Variants in ITGA9 observed in about 807,000 individuals in gnomAD.
ITGA9 encodes integrin alpha-9.
ITGA9 carries 56 observed loss-of-function variants against 127.8 expected under a neutral mutation model. That is an observed-to-expected ratio of 0.44 (90% confidence interval 0.35 to 0.55). The LOEUF is 0.55. ITGA9 is among the 20% of genes least tolerant of loss of function. The probability of loss-of-function intolerance (pLI) is 0.00; values close to 1 mark genes in which losing one functional copy is unlikely to be tolerated. For synonymous variants in ITGA9, 508 were observed against 514.5 expected (o/e 0.99, Z 0.17); for missense variants, 1,196 against 1,347.1 (o/e 0.89, Z 1.76).
chr3:37,700,204 G>T (rs754519726), intron 18 of ITGA9, among the ~76,000 whole-genome samples: 1 of 152,084 alleles, frequency 6.6e-6, no homozygotes, highest in Admixed American at 6.6e-5. Context: ...GGCTGGTCTC[G>T]AATTCCTGGC....
rs1210007065 is a variant in ITGA9, at chr3:37,566,497, A to T, written c.1689+23912A>T. Among the ~76,000 whole-genome samples the T allele has an allele frequency of 2.0e-5, 3 of 152,210 alleles. No individual in the cohort carries two copies. In the East Asian group the frequency reaches 5.8e-4, roughly 29 times the overall value. The stretch of plus-strand genomic sequence containing the variant: ...CATAGTACATTATCAAAAGTAGGAA[A>T]CTGTTATTGGTTTAATACTATACAT... On this transcript the variant is annotated intron_variant, in intron 15 of 27. Transcript: ENST00000264741.
At chr3:37,640,196 T>A (rs1700318954) in intron 16 of ITGA9, among the ~76,000 whole-genome samples, 1 of 152,144 alleles carries the variant, frequency 6.6e-6, no homozygotes, top group African/African-American at 2.4e-5. Context: ...GTGATGGACT[T>A]CCAAATGGGG....
intron 18 of ITGA9, among the ~76,000 whole-genome samples, chr3:37,728,881 AAGAAACCAAACAG>A (rs1696250187): frequency 6.6e-6 from 1 of 151,348 alleles, no homozygotes; most frequent in South Asian, 2.1e-4. Context: ...TGAGGAGGGG[AAGAAACCAAACAG>A]GCATGTGGGC....
At chr3:37,813,845 C>T (rs978776961) in intron 27 of ITGA9, among the ~76,000 whole-genome samples, 6 of 152,244 alleles carry the variant, frequency 3.9e-5, no homozygotes, top group Middle Eastern at 3.4e-3. Context: ...TCAAGCCTTG[C>T]CTACTTTCCT....
intron 17 of ITGA9, among the ~76,000 whole-genome samples, chr3:37,678,220 CTA>C (rs1700701376): frequency 6.6e-6 from 1 of 152,134 alleles, no homozygotes; most frequent in Non-Finnish European, 1.5e-5. Flanking sequence ...TATGACAATT[CTA>C]TGTTTAATTA....
intron 17 of ITGA9, among the ~76,000 whole-genome samples, chr3:37,671,688 T>C (rs1700638467): frequency 6.6e-6 from 1 of 152,158 alleles, no homozygotes; most frequent in African/African-American, 2.4e-5. Context: ...CCAGGAATGA[T>C]TTCCCTGACC....
At chr3:37,759,975 C>T (rs1285537669) in intron 23 of ITGA9, among the ~76,000 whole-genome samples, 1 of 151,764 alleles carries the variant, frequency 6.6e-6, no homozygotes, top group Non-Finnish European at 1.5e-5. Flanking sequence ...GCCTGTAATC[C>T]CAGCACTTTG....
intron 27 of ITGA9, among the ~76,000 whole-genome samples, chr3:37,815,127 G>A (rs948072538): frequency 3.9e-5 from 6 of 152,196 alleles, no homozygotes; most frequent in Non-Finnish European, 5.9e-5. Context: ...AGAGATGACA[G>A]TGCCTTCACC....
intron 15 of ITGA9, among the ~76,000 whole-genome samples, chr3:37,595,186 C>T (rs1486342819): frequency 6.6e-6 from 1 of 152,066 alleles, no homozygotes; most frequent in Non-Finnish European, 1.5e-5. Context: ...CTCACTGCAG[C>T]CTCAGCAGCC....
Position 37,629,813 on chromosome 3 carries a change from G to GT in ITGA9, c.1839+478dup, listed in dbSNP as rs1305188292. Among the ~76,000 whole-genome samples, 1 of 152,198 alleles carries GT rather than the reference G, an allele frequency of 6.6e-6. No individual in the cohort carries two copies. The highest frequency in any genetic ancestry group is 1.9e-4 in the East Asian group (1 of 5,192). ...CAGAGCACTGGGGCAAGTACAGGTGGTCCACACTCATCAGATTCTGGGATG... is the reference window on the plus strand; with the variant it reads ...CAGAGCACTGGGGCAAGTACAGGTGGTTCCACACTCATCAGATTCTGGGATG... On this transcript the variant is annotated intron_variant, in intron 16 of 27. Coordinates refer to ENST00000264741, the MANE Select transcript of ITGA9 (RefSeq NM_002207.3). This position sits in a 1 kb window ranked among gnomAD's most constrained non-coding sequence, Gnocchi z 4.5.
intron 22 of ITGA9, 128 bp downstream of exon 22, chr3:37,744,162 G>C (rs1696472726): frequency 2.7e-6 from 2 of 735,746 alleles, no homozygotes; most frequent in Admixed American, 1.9e-5. Flanking sequence ...TGGTGTGTGT[G>C]TGAGATCTGT....
rs1018044687 is a variant in ITGA9, at chr3:37,750,713, C to T, written c.2541+144C>T. 5 of 710,450 alleles carry T rather than the reference C, an allele frequency of 7.0e-6. No homozygotes were observed. In the Admixed American group the frequency reaches 1.0e-4, roughly 14 times the overall value. The allele number at this position is 710,450 out of a possible 1,614,324, so 44.0% of individuals were successfully genotyped here. A position where few individuals can be genotyped will look rare whatever the true frequency, so the allele number is the denominator to read the frequency against. ...CCTTTGGAGACATATCTGGAGAGGC[C>T]AGGGGACCTGTGATACCTGAATTTC... On this transcript the variant is annotated intron_variant, in intron 23 of 27. Transcript: ENST00000264741.
At chr3:37,662,377 T>C (rs1235548376) in intron 17 of ITGA9, among the ~76,000 whole-genome samples, 1 of 146,702 alleles carries the variant, frequency 6.8e-6, no homozygotes, top group African/African-American at 2.4e-5. Flanking sequence ...CACTCCAGCC[T>C]GGGTGACCGG....
rs766408482 is a variant in ITGA9, at chr3:37,506,072, A to G, written c.815A>G (p.Lys272Arg). 1.9e-6 allele frequency: 3 copies of G among 1,609,024 alleles called. No individual in the cohort carries two copies. The South Asian group carries it at 3.3e-5, about 18-fold the overall frequency. The part of the protein sequence containing the change: ...IDVVGGAPQD[K>R]GIGKVYIFRA... ...GTGGTAGGAGGTGCCCCACAGGACA[A>G]AGGCATCGGCAAGGTGAGGAGAAAC... The change falls in exon 7 of 28, where the codon AAA becomes AGA. Residue 272 changes from lysine (K) to arginine (R), a missense_variant. Lys to Arg is a conservative substitution (Grantham distance 26). Coordinates refer to ENST00000264741, the MANE Select transcript of ITGA9 (RefSeq NM_002207.3).
intron 17 of ITGA9, among the ~76,000 whole-genome samples, chr3:37,663,835 T>A (rs1198456872): frequency 6.6e-6 from 1 of 152,222 alleles, no homozygotes. Context: ...CTGCCTGTTT[T>A]CTCCTCTGTG....
intron 18 of ITGA9, among the ~76,000 whole-genome samples, chr3:37,727,375 G>A (rs973832875): frequency 6.6e-6 from 1 of 152,322 alleles, no homozygotes; most frequent in Admixed American, 6.5e-5. Flanking sequence ...TGGGACTGGG[G>A]AAAAGGCCAG....
chr3:37,741,694 T>G, intron 20 of ITGA9, 36 bp from the exon 21 acceptor site: 2 of 1,538,216 alleles, frequency 1.3e-6, no homozygotes, highest in Non-Finnish European at 1.8e-6. Flanking sequence ...CAGCTAGTGT[T>G]GGCCAGCGTT....
Position 37,452,650 on chromosome 3 carries a change from C to T in ITGA9, c.185+91C>T. 8.6e-7 allele frequency: 1 copy of T among 1,168,460 alleles called. No individual in the cohort carries two copies. Among genetic ancestry groups the T allele is most frequent in the Non-Finnish European group, 1.1e-6 (1 of 880,686 alleles). 72.4% of individuals were successfully genotyped at this position (1,168,460 alleles called of 1,614,324 possible). ...CCGCCGCCGCCTTTCCGGTCTCTTC[C>T]ACGCCGCCGTCCCGAGGGGGCGATT... On this transcript the variant is annotated intron_variant, in intron 1 of 27. Coordinates refer to ENST00000264741, the MANE Select transcript of ITGA9 (RefSeq NM_002207.3). This position sits in a 1 kb window ranked among gnomAD's most constrained non-coding sequence, Gnocchi z 7.3.
intron 15 of ITGA9, among the ~76,000 whole-genome samples, chr3:37,596,736 C>T (rs1013361534): frequency 2.0e-5 from 3 of 152,162 alleles, no homozygotes; most frequent in African/African-American, 7.2e-5. Flanking sequence ...GCGGAGGAGA[C>T]CTTGTTCCCT....
Sources: gnomAD v4.1 joint callset for allele counts (sites outside exome capture counted in the v4.1 genomes callset) on GRCh38, gnomAD v4.1.1 for gene constraint, Gnocchi (gnomAD v3.1) non-coding constraint, MANE v1.5 for transcripts, NCBI Gene and HGNC (gene_info 2026-07-23, HGNC 2026-07-21) for gene names.